RGS3: variants seen among roughly 807,000 people sequenced by gnomAD.
RGS3 encodes regulator of G-protein signalling 3.
In RGS3, 80 loss-of-function variants were observed where a neutral mutation model predicts 132.6. The ratio of observed to expected loss-of-function variants is 0.60; its 90% confidence interval spans 0.50 to 0.73. RGS3 has a LOEUF of 0.73. Among genes scored for constraint, RGS3 ranks in the 30% least tolerant of loss-of-function variants. RGS3 has a pLI of 0.00. For synonymous variants in RGS3, 598 were observed against 620.6 expected, an observed-to-expected ratio of 0.96 and a Z score of 0.54; for missense variants, 1,382 against 1,530.8, an observed-to-expected ratio of 0.90 and a Z score of 1.62.
At chr9:113,484,327 CAAA>C (rs775299940) in intron 6 of RGS3, 95 bp downstream of exon 4, 16 of 85,230 alleles carry the variant, frequency 1.9e-4, no homozygotes, top group East Asian at 4.5e-4. Flanking sequence ...TAGATCTATG[CAAA>C]AAAAAAAAAA....
At chr9:113,483,299 G>A (rs1252560168) in intron 5 of RGS3, among the ~76,000 whole-genome samples, 182 bp downstream of exon 3, 1 of 152,196 alleles carries the variant, frequency 6.6e-6, no homozygotes. Context: ...CCCTTAGCTC[G>A]GCTGGGTCCC....
intron 17 of RGS3, among the ~76,000 whole-genome samples, chr9:113,526,548 TG>T (rs1163859316): frequency 6.6e-6 from 1 of 152,204 alleles, no homozygotes; most frequent in Non-Finnish European, 1.5e-5. Context: ...TCTCCCTCCC[TG>T]GGCCTCAGTC....
In RGS3 at chr9:113,463,702, C is replaced by G; in HGVS notation, c.415+1501C>G. ...GTTCCAACGCTTGGGGCAGCCCTAC[C>G]TCCCGCTCGCGCTCCTCCCGCCCTG... On this transcript the variant is annotated intron_variant, in intron 3 of 24. Transcript: ENST00000350696. The surrounding 1 kb of genome is among the most constrained non-coding windows in gnomAD (Gnocchi z 4.6). 1.4e-6 allele frequency: 2 copies of G among 1,439,790 alleles called. No homozygotes were observed. Among genetic ancestry groups the G allele is most frequent in the Non-Finnish European group, 9.1e-7 (1 of 1,097,736 alleles). 89.2% of individuals were successfully genotyped at this position (1,439,790 alleles called of 1,614,324 possible).
At chr9:113,538,197 A>G (rs1436222402) in intron 19 of RGS3, among the ~76,000 whole-genome samples, 1 of 152,172 alleles carries the variant, frequency 6.6e-6, no homozygotes, top group Non-Finnish European at 1.5e-5. Flanking sequence ...TGCAGTAGGC[A>G]CTCACTCAAC....
exon 20 of RGS3, chr9:113,584,289 C>A: frequency 6.2e-7 from 1 of 1,610,194 alleles, no homozygotes; most frequent in Non-Finnish European, 8.5e-7. Flanking sequence ...TTGCCTCCGA[C>A]ACCACCTTGC....
chr9:113,545,001 A>C (rs1352281665), intron 19 of RGS3, among the ~76,000 whole-genome samples: 1 of 152,168 alleles, frequency 6.6e-6, no homozygotes, highest in Non-Finnish European at 1.5e-5. Context: ...TCCAGAATGC[A>C]TTTTCCTGAG....
chr9:113,500,714 CTCTT>C lies in RGS3; in HGVS notation c.897+2638_897+2641del, dbSNP rs570185260. On this transcript the variant is annotated intron_variant, in intron 10 of 24. Transcript: ENST00000350696. ...TTTTTTTTTTTTTTTTTGAGACAGA[CTCTT>C]TCTCTGTCACCCAGGCTGGAGTACC... Among the ~76,000 whole-genome samples the C allele has an allele frequency of 2.2e-3, 315 of 144,242 alleles. 1 individual carries two copies. The highest frequency in any genetic ancestry group is 1.3e-3 in the South Asian group (6 of 4,590). 94.6% of individuals were successfully genotyped at this position (144,242 alleles called of 152,430 possible). A position where few individuals can be genotyped will look rare whatever the true frequency, so the allele number is the denominator to read the frequency against.
At chr9:113,596,217 C>G (rs946250362) in intron 24 of RGS3, among the ~76,000 whole-genome samples, 4 of 152,160 alleles carry the variant, frequency 2.6e-5, no homozygotes, top group African/African-American at 9.7e-5. Flanking sequence ...GCCTGTGGTC[C>G]CAGCTACTCG....
At chr9:113,580,869 T>G in intron 19 of RGS3, 1 of 985,710 alleles carries the variant, frequency 1.0e-6, no homozygotes, top group Non-Finnish European at 1.2e-6. Flanking sequence ...GGGACAGGCC[T>G]GGGCCCCACC....
intron 19 of RGS3, among the ~76,000 whole-genome samples, chr9:113,557,456 G>T (rs1564566839): frequency 6.6e-6 from 1 of 152,262 alleles, no homozygotes; most frequent in Non-Finnish European, 1.5e-5. Context: ...AGTGGGATGG[G>T]TTAAACTAAT....
chr9:113,520,543 T>G (rs1417916877), intron 16 of RGS3, among the ~76,000 whole-genome samples: 1 of 125,812 alleles, frequency 7.9e-6, no homozygotes, highest in African/African-American at 2.8e-5. Flanking sequence ...GCCTGGGCTG[T>G]TTTTTTTTTT....
At chr9:113,508,690 A>G in intron 14 of RGS3, 110 bp downstream of exon 12, 1 of 1,057,072 alleles carries the variant, frequency 9.5e-7, no homozygotes, top group South Asian at 1.3e-5. Context: ...CAATGGAGTC[A>G]GGTCACTTAG....
upstream of RGS3, among the ~76,000 whole-genome samples, chr9:113,455,889 T>C (rs1376382565): frequency 6.6e-6 from 1 of 152,222 alleles, no homozygotes; most frequent in Non-Finnish European, 1.5e-5. Context: ...GACCCAAGAA[T>C]ATCGTCTGGC....
chr9:113,462,545 C>T (rs941733696), intron 3 of RGS3, among the ~76,000 whole-genome samples: 1 of 152,206 alleles, frequency 6.6e-6, no homozygotes, highest in Non-Finnish European at 1.5e-5. Flanking sequence ...TTGGGGCAGA[C>T]AGGCCTGGGT....
intron 7 of RGS3, among the ~76,000 whole-genome samples, chr9:113,494,984 C>T (rs112295180): frequency 6.6e-6 from 1 of 152,112 alleles, no homozygotes; most frequent in Admixed American, 6.5e-5. Context: ...AAGTGACTCT[C>T]CTGCCTCAGC....
Position 113,545,824 on chromosome 9 carries a change from C to T in RGS3, c.2037+8906C>T, listed in dbSNP as rs557495573. ...TACAAGGTGTGTTACCCCTGTTATA[C>T]ATTTACTCTCATTATGCCCAATTTA... On this transcript the variant is annotated intron_variant, in intron 19 of 24. Coordinates refer to ENST00000350696, the Ensembl canonical transcript of RGS3. 2.0e-5 allele frequency among the ~76,000 whole-genome samples: 3 copies of T among 152,322 alleles called. No homozygotes were observed. The South Asian group carries it at 6.2e-4, about 32-fold the overall frequency.
At chr9:113,584,752 TAG>T (rs1191403480) in intron 20 of RGS3, among the ~76,000 whole-genome samples, 5 of 152,174 alleles carry the variant, frequency 3.3e-5, no homozygotes, top group African/African-American at 7.2e-5. Flanking sequence ...GCTGGAGAAA[TAG>T]AGTTACAGCC....
At chr9:113,479,085 A>G (rs1479679094) in intron 3 of RGS3, 1 of 190,480 alleles carries the variant, frequency 5.2e-6, no homozygotes, top group Non-Finnish European at 1.1e-5. Flanking sequence ...GAATATGCAC[A>G]TTTAAATTTC....
intron 1 of RGS3, among the ~76,000 whole-genome samples, chr9:113,455,180 T>C (rs1173463421): frequency 6.6e-6 from 1 of 152,228 alleles, no homozygotes; most frequent in African/African-American, 2.4e-5. Flanking sequence ...CAGGGATCAC[T>C]GTCCTTCGTT....
Sources: allele counts gnomAD v4.1 joint callset (sites outside exome capture counted in the v4.1 genomes callset), GRCh38; gene constraint gnomAD v4.1.1; non-coding constraint Gnocchi (gnomAD v3.1); transcripts MANE v1.5; gene names NCBI Gene and HGNC (gene_info 2026-07-23, HGNC 2026-07-21).